The following CAPN5 variants were observed in gnomAD, a reference collection of about 807,000 sequenced individuals.
The protein encoded by CAPN5 is calpain 5.
Under a neutral mutation model 73.0 loss-of-function variants are expected in CAPN5, and 54 were observed. The ratio of observed to expected loss-of-function variants is 0.74; its 90% CI spans 0.59 to 0.93. The LOEUF (loss-of-function observed/expected upper bound fraction) is 0.93, where lower values mean the gene tolerates loss of function less well. CAPN5 is among the 40% of genes least tolerant of loss of function. The probability of loss-of-function intolerance (pLI) is 0.00; values close to 1 mark genes in which losing one functional copy is unlikely to be tolerated. For synonymous variants in CAPN5, 335 were observed against 356.9 expected (o/e 0.94, Z 0.69); for missense variants, 785 against 882.9 (o/e 0.89, Z 1.41).
In CAPN5 at chr11:77,088,142, G is replaced by C. The variant is rs924312668; in HGVS notation, c.165+3091G>C. 4.2e-6 allele frequency: 6 copies of C among 1,428,148 alleles called. No individual in the cohort carries two copies. In the South Asian group the frequency reaches 8.6e-5, roughly 20 times the overall value. The allele number at this position is 1,428,148 out of a possible 1,614,324, so 88.5% of individuals were successfully genotyped here. On this transcript the variant is annotated intron_variant, in intron 2 of 12. Transcript: ENST00000648180. Reference sequence around the variant, plus strand: ...CTCTCCCACATCTGGGTATGAGCCTGGAGGTCCTTTGGTGGAATGCACAGG... The same window carrying C: ...CTCTCCCACATCTGGGTATGAGCCTCGAGGTCCTTTGGTGGAATGCACAGG...
rs370235941 is a variant in CAPN5 at position 77,113,240 on chromosome 11, G to A, written c.506+443G>A. Among the ~76,000 whole-genome samples, 19 of 152,316 alleles carry A rather than the reference G, an allele frequency of 1.2e-4. No homozygotes were observed. In the East Asian group the frequency reaches 2.9e-3, roughly 23 times the overall value. On this transcript the variant is annotated intron_variant, in intron 4 of 12. Coordinates refer to ENST00000648180, the MANE Select transcript of CAPN5 (RefSeq NM_004055.5). ...TGGGCCTCCCTCTTGTCCACCATCC[G>A]CCTCTGCCTGGCTGACTGTCCATTC...
chr11:77,112,644 C>A lies in CAPN5; in HGVS notation c.353C>A (p.Ala118Glu). ...EWDPEKPNAY[A>E]GIFHFHFWRF... ...GACCCCGAAAAGCCCAACGCCTACGCGGGCATCTTCCACTTCCACTTCTGG... is the reference window on the plus strand; with the variant it reads ...GACCCCGAAAAGCCCAACGCCTACGAGGGCATCTTCCACTTCCACTTCTGG... Residue 118 changes from alanine (A) to glutamate (E), a missense_variant, in exon 4 of 13, where the codon GCG becomes GAG. By Grantham distance (107) the Ala-to-Glu change is moderately radical (BLOSUM62 -1). Transcript: ENST00000648180. The A allele has an allele frequency of 6.2e-7, 1 of 1,614,214 alleles. No individual in the cohort carries two copies. Among genetic ancestry groups the A allele is most frequent in the Non-Finnish European group, 8.5e-7 (1 of 1,180,032 alleles).
Position 77,125,650 on chromosome 11 carries a change from A to ATATAT in CAPN5, c.*1780_*1781insTATAT. 6.6e-6 allele frequency: 1 copy of ATATAT among 150,610 alleles called. No homozygotes were observed. Among genetic ancestry groups the ATATAT allele is most frequent in the African/African-American group, 2.5e-5 (1 of 40,728 alleles). 9.3% of individuals were successfully genotyped at this position (150,610 alleles called of 1,614,324 possible). ...TATATATATATATATACATTCATGT[A>ATATAT]ATCACCACTTCTCGATGTCTATTTC... On this transcript the variant is annotated 3_prime_UTR_variant, in exon 13 of 13. Coordinates refer to ENST00000648180, the MANE Select transcript of CAPN5 (RefSeq NM_004055.5).
At chr11:77,087,972 C>T in intron 2 of CAPN5, 2 of 1,535,744 alleles carry the variant, frequency 1.3e-6, no homozygotes, top group Non-Finnish European at 1.7e-6. Flanking sequence ...CCCTCACAGG[C>T]CTGGCTGGGG....
At chr11:77,104,876 G>C (rs1950327651) in intron 3 of CAPN5, among the ~76,000 whole-genome samples, 1 of 152,248 alleles carries the variant, frequency 6.6e-6, no homozygotes, top group African/African-American at 2.4e-5. Flanking sequence ...CCACCTCGGA[G>C]GTGTGCAGGC....
intron 3 of CAPN5, among the ~76,000 whole-genome samples, chr11:77,096,208 G>T (rs1950207055): frequency 6.6e-6 from 1 of 152,080 alleles, no homozygotes; most frequent in Non-Finnish European, 1.5e-5. Context: ...GGGATTCTGA[G>T]CCTCAGACAC....
At chr11:77,094,389 G>A (rs1445945014) in intron 3 of CAPN5, among the ~76,000 whole-genome samples, 1 of 151,814 alleles carries the variant, frequency 6.6e-6, no homozygotes, top group Non-Finnish European at 1.5e-5. Flanking sequence ...CAAGCTGCTG[G>A]TGTTCTGGAC....
At chr11:77,072,673 G>C (rs773110543) in intron 1 of CAPN5, among the ~76,000 whole-genome samples, 146 of 152,342 alleles carry the variant, frequency 9.6e-4, no homozygotes, top group Middle Eastern at 3.4e-3. Flanking sequence ...CATTTCTGAG[G>C]TTGTGCAGGA....
intron 1 of CAPN5, among the ~76,000 whole-genome samples, chr11:77,070,951 C>T (rs1442612325): frequency 6.6e-6 from 1 of 152,208 alleles, no homozygotes; most frequent in African/African-American, 2.4e-5. Flanking sequence ...AGGGCCCACC[C>T]AGATAAGCCA....
At chr11:77,103,481 C>G in intron 3 of CAPN5, 1 of 900,702 alleles carries the variant, frequency 1.1e-6, no homozygotes, top group Non-Finnish European at 1.7e-6. Flanking sequence ...CACCTTTCCT[C>G]CTCTGCTTCT....
At chr11:77,103,286 G>A in intron 3 of CAPN5, 1 of 1,612,834 alleles carries the variant, frequency 6.2e-7, no homozygotes, top group Non-Finnish European at 8.5e-7. Context: ...GCGAGGGTGT[G>A]GAGCCCGCCA....
rs532101097 is a variant in CAPN5 at position 77,079,494 on chromosome 11, CTATTA to C, written c.-35-5354_-35-5350del. ...TTCATTTTCGTTATTGTTTACTATT[CTATTA>C]TATGAATATACAAGAACTTATTGAT... On this transcript the variant is annotated intron_variant, in intron 1 of 12. Transcript: ENST00000648180. Among the ~76,000 whole-genome samples the C allele has an allele frequency of 1.1e-3, 173 of 152,192 alleles. 3 individuals carry two copies. The highest frequency in any genetic ancestry group is 0.01 in the Middle Eastern group (3 of 294).
At chr11:77,107,729 G>A (rs1467844396) in intron 3 of CAPN5, among the ~76,000 whole-genome samples, 1 of 152,194 alleles carries the variant, frequency 6.6e-6, no homozygotes, top group East Asian at 1.9e-4. Context: ...CAGGGAGGCG[G>A]CAGATCCTGC....
intron 3 of CAPN5, among the ~76,000 whole-genome samples, chr11:77,105,509 C>T (rs1555039725): frequency 1.3e-5 from 2 of 152,214 alleles, no homozygotes; most frequent in Non-Finnish European, 1.5e-5. Flanking sequence ...AAACCAGGTG[C>T]AATCTCGAGT....
intron 3 of CAPN5, chr11:77,102,915 C>G (rs2233546): frequency 4.3e-6 from 7 of 1,612,726 alleles, no homozygotes; most frequent in Non-Finnish European, 5.9e-6. Flanking sequence ...CAGGCAGATG[C>G]GGCTACGCGT....
At chr11:77,087,800 A>G in intron 2 of CAPN5, 1 of 1,138,258 alleles carries the variant, frequency 8.8e-7, no homozygotes, top group Non-Finnish European at 1.2e-6. Context: ...TTGGGGACCT[A>G]GAGCCACCTT....
In CAPN5 at chr11:77,114,353, C is replaced by T. The variant is rs145714809; in HGVS notation, c.618C>T (p.Asn206=). ...PIDLTEGDFA[N]DETKRNQLFE... Reference sequence around the variant, plus strand: ...ACCTGACCGAGGGTGACTTTGCCAACGATGAGACTAAGAGGAACCAGCTCT... The same window carrying T: ...ACCTGACCGAGGGTGACTTTGCCAATGATGAGACTAAGAGGAACCAGCTCT... The change falls in exon 5 of 13, where the codon AAC becomes AAT. Residue 206 remains asparagine (N), a synonymous_variant. Transcript: ENST00000648180. 1.7e-4 allele frequency: 268 copies of T among 1,614,186 alleles called. No homozygotes were observed. In the African/African-American group the frequency reaches 2.2e-3, roughly 13 times the overall value.
intron 3 of CAPN5, chr11:77,102,719 G>A (rs1353334165): frequency 1.7e-6 from 2 of 1,208,282 alleles, no homozygotes; most frequent in African/African-American, 1.5e-5. Flanking sequence ...CAGTGGCAAA[G>A]GGAGGGGAAG....
chr11:77,101,150 C>T (rs1950279667), intron 3 of CAPN5, among the ~76,000 whole-genome samples: 1 of 152,214 alleles, frequency 6.6e-6, no homozygotes, highest in South Asian at 2.1e-4. Context: ...TTCATTCATT[C>T]GATCATTCGT....
Sources: allele counts gnomAD v4.1 joint callset (sites outside exome capture counted in the v4.1 genomes callset), GRCh38; gene constraint gnomAD v4.1.1; transcripts MANE v1.5; gene names NCBI Gene and HGNC (gene_info 2026-07-23, HGNC 2026-07-21).